Variants in IFT140 observed in about 807,000 individuals in gnomAD.
IFT140 encodes the protein intraflagellar transport 140.
Under a neutral mutation model 164.6 loss-of-function variants are expected in IFT140, and 133 were observed. The observed-to-expected ratio is 0.81, with a 90% CI of 0.70 to 0.93. The LOEUF is 0.93. Ranked by LOEUF, IFT140 falls within the 40% of genes least tolerant of loss-of-function variation. The probability of loss-of-function intolerance (pLI) is 0.00; values close to 1 mark genes in which losing one functional copy is unlikely to be tolerated. For synonymous variants in IFT140, 860 were observed against 817.3 expected (o/e 1.05, Z -0.89); for missense variants, 2,045 against 1,972.3 (o/e 1.04, Z -0.70).
At chr16:1,557,851 G>A in intron 19 of IFT140, 84 bp downstream of exon 19, 2 of 1,349,626 alleles carry the variant, frequency 1.5e-6, no homozygotes, top group South Asian at 1.2e-5. Flanking sequence ...ATTTCAACAG[G>A]CGAACCAAGA....
chr16:1,589,710 C>T lies in IFT140; in HGVS notation c.705G>A (p.Met235Ile). The stretch of plus-strand genomic sequence containing the variant: ...CCTCCCTCTTCTCCATGTAGAACAG[C>T]ATCTGAATCGTGCTGTCTGCGGACA... ...QVVSADSTIQ[M>I]LFYMEKREAL... Residue 235 changes from methionine (M) to isoleucine (I), a missense_variant, in exon 7 of 31, where the codon ATG (methionine) becomes ATA (isoleucine). Transcript: ENST00000426508. 2 of 1,614,162 alleles carry T rather than the reference C, an allele frequency of 1.2e-6. No individual in the cohort carries two copies. Among genetic ancestry groups the T allele is most frequent in the South Asian group, 1.1e-5 (1 of 91,080 alleles).
rs1230491407 is a variant in IFT140 at position 1,568,250 on chromosome 16, G to A, written c.1737C>T (p.Ser579=). ...GGAGGATGCTGATGGTGCTCCCGCTGCTGCTGCACCGCAGAGAAGCGATGC... is the reference window on the plus strand; with the variant it reads ...GGAGGATGCTGATGGTGCTCCCGCTACTGCTGCACCGCAGAGAAGCGATGC... ...VGGIASLRCS[S]SGSTISILPS... The change falls in exon 15 of 31, where the codon AGC becomes AGT. Residue 579 remains serine, a synonymous_variant. Transcript: ENST00000426508. 13 of 1,611,276 alleles carry A rather than the reference G, an allele frequency of 8.1e-6. No homozygotes were observed. The highest frequency in any genetic ancestry group is 1.0e-5 in the Non-Finnish European group (12 of 1,179,090).
At chr16:1,605,607 T>C (rs539386692) in intron 3 of IFT140, among the ~76,000 whole-genome samples, 13 of 152,020 alleles carry the variant, frequency 8.6e-5, no homozygotes, top group Non-Finnish European at 1.8e-4. Flanking sequence ...GGTTTCACCG[T>C]GTTAGCCAGG....
intron 3 of IFT140, among the ~76,000 whole-genome samples, chr16:1,602,913 C>T (rs959385331): frequency 3.9e-5 from 6 of 152,176 alleles, no homozygotes; most frequent in Admixed American, 3.9e-4. Context: ...GCACTCCAGC[C>T]TGGGCGACAG....
chr16:1,526,409 G>A, intron 20 of IFT140: 1 of 617,362 alleles, frequency 1.6e-6, no homozygotes, highest in Admixed American at 3.1e-5. Flanking sequence ...CACCTGACAG[G>A]CACACACCCT....
intron 13 of IFT140, among the ~76,000 whole-genome samples, chr16:1,572,375 G>A (rs1386746468): frequency 1.3e-5 from 2 of 152,352 alleles, no homozygotes; most frequent in South Asian, 4.1e-4. Flanking sequence ...GGCCGGGCGC[G>A]GTGGCTCACG....
Position 1,601,557 on chromosome 16 carries a change from G to A in IFT140, c.369+813C>T, listed in dbSNP as rs535620238. Among the ~76,000 whole-genome samples, 11 of 152,328 alleles carry A rather than the reference G, an allele frequency of 7.2e-5. No individual in the cohort carries two copies. The South Asian group carries it at 2.3e-3, about 32-fold the overall frequency. The stretch of plus-strand genomic sequence containing the variant: ...ACTCAGGTAAAATACCCACGTAGCT[G>A]GAGGGAAAGCAGACCTGGCAGTGGG... On this transcript the variant is annotated intron_variant, in intron 4 of 30. Transcript: ENST00000426508.
Position 1,524,860 on chromosome 16 carries a change from GCGGCGTCCATCT to G in IFT140, c.2909_2920del (p.Glu970_Ala973del), listed in dbSNP as rs1489901262. Reference sequence around the variant, plus strand: ...CCGGGCCAGCTCGTAGTAGTGCAGCGCGGCGTCCATCTCGCCCTGGCTCTCCAGGTACTGCGC... The same window carrying G: ...CCGGGCCAGCTCGTAGTAGTGCAGCGCGCCCTGGCTCTCCAGGTACTGCGC... On this transcript the variant is annotated inframe_deletion, in exon 23 of 31. Transcript: ENST00000426508. The G allele has an allele frequency of 4.3e-6, 7 of 1,612,980 alleles. No homozygotes were observed. Among genetic ancestry groups the G allele is most frequent in the Non-Finnish European group, 5.9e-6 (7 of 1,179,622 alleles).
intron 13 of IFT140, among the ~76,000 whole-genome samples, chr16:1,578,823 T>C (rs2034407289): frequency 6.6e-6 from 1 of 152,222 alleles, no homozygotes. Flanking sequence ...GCCACCCTCC[T>C]GCCTCAGTCT....
Position 1,592,500 on chromosome 16 carries a change from G to A in IFT140, c.458C>T (p.Thr153Met), listed in dbSNP as rs545083874. Residue 153 changes from threonine to methionine, a missense_variant, in exon 5 of 31, where the codon ACG becomes ATG. Transcript: ENST00000426508. Reference protein sequence around the residue: ...LLKHEYGKHLTHCIFRLPPPG... With the variant: ...LLKHEYGKHLMHCIFRLPPPG... ...AGGGGGGAGCCGGAAGATGCAGTGCGTGAGGTGTTTCCCATACTCGTGTTT... is the reference window on the plus strand; with the variant it reads ...AGGGGGGAGCCGGAAGATGCAGTGCATGAGGTGTTTCCCATACTCGTGTTT... 2.2e-5 allele frequency: 35 copies of A among 1,614,234 alleles called. No individual in the cohort carries two copies. The highest frequency in any genetic ancestry group is 4.0e-5 in the African/African-American group (3 of 75,060).
chr16:1,541,333 C>T (rs2031615229), intron 19 of IFT140: 3 of 985,150 alleles, frequency 3.0e-6, no homozygotes, highest in South Asian at 4.7e-5. Context: ...CCCTGCTCAG[C>T]CCCTTGCTGG....
chr16:1,523,447 G>T, intron 26 of IFT140, 71 bp downstream of exon 26: 1 of 1,506,298 alleles, frequency 6.6e-7, no homozygotes, highest in Non-Finnish European at 9.0e-7. Flanking sequence ...CATTCCCACA[G>T]CCTCTGGGGA....
At chr16:1,586,351 C>T (rs1039185746) in intron 9 of IFT140, 76 bp from the exon 10 acceptor site, 2 of 1,437,786 alleles carry the variant, frequency 1.4e-6, no homozygotes, top group Non-Finnish European at 1.9e-6. Flanking sequence ...TGTTCTCTAA[C>T]CCCCTTCTTC....
intron 19 of IFT140, among the ~76,000 whole-genome samples, chr16:1,544,880 C>A (rs1452678954): frequency 6.6e-6 from 1 of 151,930 alleles, no homozygotes; most frequent in Non-Finnish European, 1.5e-5. Context: ...GATCTCCTGA[C>A]CTTGTGATCC....
Position 1,568,396 on chromosome 16 carries a change from C to T in IFT140, c.1653-62G>A. On this transcript the variant is annotated intron_variant, in intron 14 of 30. Coordinates refer to ENST00000426508, the MANE Select transcript of IFT140 (RefSeq NM_014714.4). ...GGCCCAGTTCCCAATTCTCCGCCCA[C>T]CCTGAAACCTCTGTTCACCGGATGA... 4 of 1,316,254 alleles carry T rather than the reference C, an allele frequency of 3.0e-6. No homozygotes were observed. The Admixed American group carries it at 6.8e-5, about 22-fold the overall frequency. 81.5% of individuals were successfully genotyped at this position (1,316,254 alleles called of 1,614,324 possible). A position where few individuals can be genotyped will look rare whatever the true frequency, so the allele number is the denominator to read the frequency against.
rs1244056649 is a variant in IFT140 at position 1,586,293 on chromosome 16, C to T, written c.1010-18G>A. The T allele has an allele frequency of 1.9e-6, 3 of 1,605,850 alleles. No homozygotes were observed. The highest frequency in any genetic ancestry group is 1.7e-6 in the Non-Finnish European group (2 of 1,176,312). On this transcript the variant is annotated intron_variant, in intron 9 of 30. Transcript: ENST00000426508. ...CAGAAGACCTACAGGTAGAAACAAA[C>T]TGCATGTGAACAGAGTTAAAAAAAG...
chr16:1,586,627 GCA>G (rs10572789), intron 9 of IFT140, among the ~76,000 whole-genome samples: 50,995 of 149,520 alleles, frequency 0.34, 8,746 homozygotes, highest in East Asian at 0.52. Context: ...ACACATGCAT[GCA>G]CACACACACA....
At chr16:1,601,959 C>T (rs2142035742) in intron 4 of IFT140, among the ~76,000 whole-genome samples, 1 of 152,352 alleles carries the variant, frequency 6.6e-6, no homozygotes, top group East Asian at 1.9e-4. Context: ...TGATGGTGGG[C>T]AGCATCCACC....
intron 26 of IFT140, among the ~76,000 whole-genome samples, chr16:1,522,817 AC>A (rs975959050): frequency 1.1e-4 from 17 of 152,126 alleles, no homozygotes; most frequent in Admixed American, 2.6e-4. Context: ...CAGCCTTTCC[AC>A]CCTTAGTAGC....
Sources: gnomAD v4.1 joint callset for allele counts (sites outside exome capture counted in the v4.1 genomes callset) on GRCh38, gnomAD v4.1.1 for gene constraint, MANE v1.5 for transcripts, NCBI Gene and HGNC (gene_info 2026-07-23, HGNC 2026-07-21) for gene names.